The following PON3 variants were observed in gnomAD, a reference collection of about 807,000 sequenced individuals.
PON3 encodes the protein serum paraoxonase/lactonase 3.
In PON3, 37 loss-of-function variants were observed where a neutral mutation model predicts 36.3. That is an observed-to-expected ratio of 1.02 (90% CI 0.78 to 1.34). PON3 has a LOEUF of 1.34. Ranked by LOEUF, PON3 falls within the 40% of genes most tolerant of loss-of-function variation. PON3 has a pLI of 0.00. For missense variants in PON3, 415 were observed against 426.5 expected (o/e 0.97, Z 0.24); for synonymous variants, 155 against 154.8 (o/e 1.00, Z -0.01).
intron 4 of PON3, among the ~76,000 whole-genome samples, chr7:95,371,358 T>C (rs1046097586): frequency 3.9e-5 from 6 of 152,096 alleles, no homozygotes; most frequent in Non-Finnish European, 7.4e-5. Flanking sequence ...TTTAACATGT[T>C]GAGGAAATGC....
chr7:95,369,265 C>A (rs1808759580), intron 4 of PON3, among the ~76,000 whole-genome samples: 1 of 152,020 alleles, frequency 6.6e-6, no homozygotes, highest in Admixed American at 6.5e-5. Context: ...CAGCAATGGA[C>A]AAATCAATAT....
chr7:95,379,475 G>A (rs972832001), intron 3 of PON3, among the ~76,000 whole-genome samples: 2 of 152,222 alleles, frequency 1.3e-5, no homozygotes, highest in Non-Finnish European at 2.9e-5. Context: ...TGTGACAGAC[G>A]GCACCTGGAA....
intron 8 of PON3, 24 bp from the exon 9 acceptor site, chr7:95,360,155 A>G (rs781765420): frequency 1.9e-6 from 3 of 1,601,362 alleles, no homozygotes; most frequent in Non-Finnish European, 2.6e-6. Context: ...ATCGTTTATT[A>G]GTATATTATG....
rs574298089 is a variant in PON3, at chr7:95,388,727, G to C, written c.201+1427C>G. On this transcript the variant is annotated intron_variant, in intron 3 of 8. Coordinates refer to ENST00000265627, the MANE Select transcript of PON3 (RefSeq NM_000940.3). The stretch of plus-strand genomic sequence containing the variant: ...GTGATAGACTGGATTAAGAAAATGT[G>C]GCACATATACACCATGGAATACTAT... Among the ~76,000 whole-genome samples the C allele has an allele frequency of 2.0e-5, 3 of 152,258 alleles. No individual in the cohort carries two copies. The East Asian group carries it at 5.8e-4, about 29-fold the overall frequency.
chr7:95,369,799 G>A (rs1017793633), intron 4 of PON3, among the ~76,000 whole-genome samples: 2 of 151,994 alleles, frequency 1.3e-5, no homozygotes, highest in African/African-American at 4.8e-5. Flanking sequence ...AGTTACCACC[G>A]TAATGAATGA....
chr7:95,378,983 C>T (rs981585690), intron 3 of PON3, among the ~76,000 whole-genome samples: 2 of 151,952 alleles, frequency 1.3e-5, no homozygotes, highest in African/African-American at 4.8e-5. Context: ...CAAGACCCAT[C>T]TGTGTGCTGT....
rs202147739 is a variant in PON3, at chr7:95,372,307, G to C, written c.233C>G (p.Ala78Gly). 1 of 1,613,836 alleles carries C rather than the reference G, an allele frequency of 6.2e-7. No individual in the cohort carries two copies. The highest frequency in any genetic ancestry group is 2.2e-5 in the East Asian group (1 of 44,860). The change falls in exon 4 of 9, where the codon GCG becomes GGG. Residue 78 changes from alanine to glycine, a missense_variant. Coordinates refer to ENST00000265627, the MANE Select transcript of PON3 (RefSeq NM_000940.3). ...GAAGATTTTTCCTGGTTCATCTGGC[G>C]CAAAGTTTGGCATGCCTGGATATTT... is the stretch of plus-strand genomic sequence containing the variant. The part of the protein sequence containing the change: ...GLKYPGMPNF[A>G]PDEPGKIFLM...
chr7:95,391,830 A>G (rs1440108698), intron 2 of PON3, among the ~76,000 whole-genome samples: 1 of 152,210 alleles, frequency 6.6e-6, no homozygotes, highest in African/African-American at 2.4e-5. Context: ...AGCTGTTTGC[A>G]TCTCAGATTT....
At chr7:95,394,871 A>G in intron 1 of PON3, 157 bp from the exon 2 acceptor site, 1 of 696,138 alleles carries the variant, frequency 1.4e-6, no homozygotes, top group Non-Finnish European at 2.6e-6. Context: ...ATGTTTATTT[A>G]CATAATGTAG....
intron 5 of PON3, chr7:95,364,805 T>C (rs1808655429): frequency 6.6e-6 from 1 of 152,392 alleles, no homozygotes; most frequent in South Asian, 2.1e-4. Context: ...TTATGGGTGA[T>C]ATTCTTTCTT....
chr7:95,381,335 C>T (rs1809049157), intron 3 of PON3, among the ~76,000 whole-genome samples: 2 of 152,204 alleles, frequency 1.3e-5, no homozygotes, highest in African/African-American at 2.4e-5. Context: ...ATGACAGGAT[C>T]AAATTCACAC....
At chr7:95,373,249 T>C (rs1310561626) in intron 3 of PON3, among the ~76,000 whole-genome samples, 1 of 152,206 alleles carries the variant, frequency 6.6e-6, no homozygotes, top group Non-Finnish European at 1.5e-5. Context: ...TTTCTGCCTC[T>C]TTCCCTCTCC....
chr7:95,364,527 C>T (rs1436919082), intron 5 of PON3: 1 of 238,862 alleles, frequency 4.2e-6, no homozygotes, highest in Non-Finnish European at 8.2e-6. Flanking sequence ...ATTTTAAGAA[C>T]CACTGCTTGC....
At chr7:95,376,012 G>T (rs35486199) in intron 3 of PON3, among the ~76,000 whole-genome samples, 3 of 152,182 alleles carry the variant, frequency 2.0e-5, no homozygotes, top group Non-Finnish European at 4.4e-5. Flanking sequence ...TAGTATGTTC[G>T]GTGTTGGGCA....
At chr7:95,390,036 T>G (rs2116422196) in intron 3 of PON3, 118 bp downstream of exon 3, 2 of 1,110,282 alleles carry the variant, frequency 1.8e-6, no homozygotes, top group South Asian at 1.2e-5. Flanking sequence ...AGTTGACTGG[T>G]TTACCCGGAG....
intron 3 of PON3, among the ~76,000 whole-genome samples, chr7:95,387,166 T>C (rs955765583): frequency 2.0e-5 from 3 of 152,078 alleles, no homozygotes; most frequent in Non-Finnish European, 4.4e-5. Context: ...AAATAAAGGG[T>C]ATTCAGTTAG....
At chr7:95,373,350 A>G (rs190485945) in intron 3 of PON3, among the ~76,000 whole-genome samples, 1 of 152,234 alleles carries the variant, frequency 6.6e-6, no homozygotes, top group Non-Finnish European at 1.5e-5. Flanking sequence ...TCTTTTCTGA[A>G]CAACCCCAGC....
At chr7:95,366,771 T>A (rs1301296692) in intron 5 of PON3, among the ~76,000 whole-genome samples, 4 of 152,258 alleles carry the variant, frequency 2.6e-5, no homozygotes, top group African/African-American at 9.6e-5. Flanking sequence ...GGGCAAGTTA[T>A]CTAACCCAAA....
rs79341310 is a variant in PON3, at chr7:95,391,005, T to C, written c.146-796A>G. On this transcript the variant is annotated intron_variant, in intron 2 of 8. Transcript: ENST00000265627. ...ACAACTATCATTAAAATCCCACTGC[T>C]AAGTCTAAAATCAGTCTTATGAATA... Among the ~76,000 whole-genome samples the C allele has an allele frequency of 6.2e-3, 950 of 152,300 alleles. 9 individuals are homozygous for C. The highest frequency in any genetic ancestry group is 0.022 in the African/African-American group (899 of 41,578).
Sources: allele counts gnomAD v4.1 joint callset (sites outside exome capture counted in the v4.1 genomes callset), GRCh38; gene constraint gnomAD v4.1.1; transcripts MANE v1.5; gene names NCBI Gene and HGNC (gene_info 2026-07-23, HGNC 2026-07-21).